CPPED1: variants seen among roughly 807,000 people sequenced by gnomAD.
CPPED1 encodes calcineurin like phosphoesterase domain containing 1, also known as serine/threonine-protein phosphatase CPPED1.
A neutral mutation model predicts 28.0 loss-of-function variants in CPPED1; 28 were observed. That is an observed-to-expected ratio of 1.00 (90% CI 0.74 to 1.37). The LOEUF is 1.37. Among genes scored for constraint, CPPED1 ranks in the 40% most tolerant of loss-of-function variants. CPPED1 has a pLI of 0.00. For missense variants in CPPED1, 504 were observed against 416.5 expected, an observed-to-expected ratio of 1.21 and a Z score of -1.83; for synonymous variants, 198 against 180.2, an observed-to-expected ratio of 1.10 and a Z score of -0.79.
chr16:12,725,945 A>C (rs2080167724), intron 2 of CPPED1, among the ~76,000 whole-genome samples: 1 of 152,170 alleles, frequency 6.6e-6, no homozygotes. Context: ...TAATCCCAGC[A>C]CTGAGGCTGG....
chr16:12,677,816 A>G (rs879572603), intron 3 of CPPED1, among the ~76,000 whole-genome samples: 4 of 152,192 alleles, frequency 2.6e-5, no homozygotes, highest in Non-Finnish European at 5.9e-5. Context: ...TCTTTTGAGG[A>G]TCACTTGGAA....
intron 2 of CPPED1, among the ~76,000 whole-genome samples, chr16:12,711,888 C>A (rs1490898443): frequency 6.6e-6 from 1 of 152,144 alleles, no homozygotes; most frequent in Non-Finnish European, 1.5e-5. Flanking sequence ...TATGTGCATA[C>A]CTTCCTTTCC....
chr16:12,750,945 G>A (rs966700906), intron 2 of CPPED1, among the ~76,000 whole-genome samples: 11 of 151,978 alleles, frequency 7.2e-5, no homozygotes, highest in East Asian at 1.9e-4. Context: ...TCCAGCCTGG[G>A]TGACAGAGCA....
chr16:12,679,265 C>T (rs149717712), intron 3 of CPPED1, among the ~76,000 whole-genome samples: 4 of 152,256 alleles, frequency 2.6e-5, no homozygotes, highest in Admixed American at 6.5e-5. Flanking sequence ...TATGGTTGGA[C>T]GTGTGTGTAA....
intron 3 of CPPED1, among the ~76,000 whole-genome samples, chr16:12,700,098 T>G (rs2080012656): frequency 6.6e-6 from 1 of 152,172 alleles, no homozygotes; most frequent in Admixed American, 6.6e-5. Flanking sequence ...GTTCTGTGTT[T>G]GGAAGGTCAT....
At chr16:12,731,361 G>A (rs1314965640) in intron 2 of CPPED1, among the ~76,000 whole-genome samples, 42 of 148,150 alleles carry the variant, frequency 2.8e-4, no homozygotes, top group Non-Finnish European at 5.2e-4. Context: ...CACTGCATTA[G>A]AAAAATTTTT....
chr16:12,717,092 G>C (rs892013604), intron 2 of CPPED1, among the ~76,000 whole-genome samples: 2 of 152,236 alleles, frequency 1.3e-5, no homozygotes, highest in East Asian at 3.9e-4. Context: ...GGTAATAGTA[G>C]GGTGAGGGTG....
In CPPED1 at chr16:12,661,181, T is replaced by A. The variant is rs2079792038; in HGVS notation, c.*3705A>T. 1 of 152,220 alleles carries A rather than the reference T, an allele frequency of 6.6e-6. No individual in the cohort carries two copies. The highest frequency in any genetic ancestry group is 1.5e-5 in the Non-Finnish European group (1 of 68,042). 9.4% of individuals were successfully genotyped at this position (152,220 alleles called of 1,614,324 possible). A position where few individuals can be genotyped will look rare whatever the true frequency, so the allele number is the denominator to read the frequency against. The stretch of plus-strand genomic sequence containing the variant: ...TTTCTCAAAAGATTCTGCATTGGAA[T>A]ACAGACTGTAATATTAAACTACTAT... On this transcript the variant is annotated 3_prime_UTR_variant, in exon 4 of 4. Transcript: ENST00000381774.
chr16:12,720,037 C>T (rs868211187), intron 2 of CPPED1, among the ~76,000 whole-genome samples: 3 of 152,192 alleles, frequency 2.0e-5, no homozygotes, highest in Admixed American at 2.0e-4. Context: ...ACACACCTAT[C>T]TGTTTTTATC....
At chr16:12,748,091 C>A (rs1428475481) in intron 2 of CPPED1, among the ~76,000 whole-genome samples, 1 of 152,146 alleles carries the variant, frequency 6.6e-6, no homozygotes, top group African/African-American at 2.4e-5. Context: ...CAAAATCTAG[C>A]AATATCCTGG....
intron 2 of CPPED1, among the ~76,000 whole-genome samples, chr16:12,731,155 A>ATT (rs36018134): frequency 2.3e-4 from 32 of 136,976 alleles, no homozygotes; most frequent in African/African-American, 7.9e-4. Flanking sequence ...AAAAAAAAAA[A>ATT]TTTTTTTTTT....
rs1379927904 is a variant in CPPED1, at chr16:12,661,320, T to C, written c.*3566A>G. On this transcript the variant is annotated 3_prime_UTR_variant, in exon 4 of 4. Coordinates refer to ENST00000381774, the MANE Select transcript of CPPED1 (RefSeq NM_018340.3). ...AGTGCTTGCCTTGTAACTCTGCAAG[T>C]GATCAATAATCTCTTAATACTGAAA... 6.6e-6 allele frequency: 1 copy of C among 152,204 alleles called. No homozygotes were observed. The highest frequency in any genetic ancestry group is 2.4e-5 in the African/African-American group (1 of 41,446). 9.4% of individuals were successfully genotyped at this position (152,204 alleles called of 1,614,324 possible).
chr16:12,708,534 A>AT (rs1340385079), intron 2 of CPPED1, among the ~76,000 whole-genome samples: 1 of 152,230 alleles, frequency 6.6e-6, no homozygotes, highest in East Asian at 1.9e-4. Context: ...CTGTGTGTGC[A>AT]TAACAACCAG....
intron 1 of CPPED1, among the ~76,000 whole-genome samples, chr16:12,791,683 A>T (rs1223552943): frequency 6.6e-6 from 1 of 152,144 alleles, no homozygotes; most frequent in African/African-American, 2.4e-5. Flanking sequence ...ACTCCAGTCC[A>T]TCTCAGGCAG....
At chr16:12,735,329 T>C (rs2080221101) in intron 2 of CPPED1, among the ~76,000 whole-genome samples, 1 of 152,246 alleles carries the variant, frequency 6.6e-6, no homozygotes. Flanking sequence ...TCTTGCTCTG[T>C]TGCCCAGGCT....
At chr16:12,745,108 C>G (rs181851954) in intron 2 of CPPED1, among the ~76,000 whole-genome samples, 1 of 152,138 alleles carries the variant, frequency 6.6e-6, no homozygotes, top group Non-Finnish European at 1.5e-5. Context: ...CAAACACTCT[C>G]GGAGTATCAG....
chr16:12,793,887 C>T (rs2080611007), intron 1 of CPPED1, among the ~76,000 whole-genome samples: 1 of 152,228 alleles, frequency 6.6e-6, no homozygotes, highest in Admixed American at 6.5e-5. Context: ...GGAAGCTTCA[C>T]AGCCGCCTGC....
intron 3 of CPPED1, among the ~76,000 whole-genome samples, chr16:12,673,156 G>A (rs1338051453): frequency 1.3e-5 from 2 of 152,208 alleles, no homozygotes; most frequent in Non-Finnish European, 2.9e-5. Context: ...GGGACTGCTG[G>A]GTTGGGCGCC....
chr16:12,706,637 G>A (rs1567281873), intron 2 of CPPED1, among the ~76,000 whole-genome samples: 1 of 151,778 alleles, frequency 6.6e-6, no homozygotes, highest in Non-Finnish European at 1.5e-5. Flanking sequence ...CCAGCCAGGT[G>A]GCTGGAATGA....
Sources: allele counts gnomAD v4.1 joint callset (sites outside exome capture counted in the v4.1 genomes callset), GRCh38; gene constraint gnomAD v4.1.1; transcripts MANE v1.5; gene names NCBI Gene and HGNC (gene_info 2026-07-23, HGNC 2026-07-21).